The following SLA variants were observed in gnomAD, a reference collection of about 807,000 sequenced individuals.
SLA encodes Src like adaptor, also known as src-like-adapter.
In SLA, 16 loss-of-function variants were observed where a neutral mutation model predicts 30.3. The ratio of observed to expected loss-of-function variants is 0.53; its 90% CI spans 0.36 to 0.80. The LOEUF is 0.80. Ranked by LOEUF, SLA falls within the 30% of genes least tolerant of loss-of-function variation. The pLI is 0.01. For missense variants in SLA, 310 were observed against 345.2 expected (o/e 0.90, Z 0.81); for synonymous variants, 143 against 137.8 (o/e 1.04, Z -0.26).
intron 3 of SLA, chr8:133,058,944 C>A (rs2131314985): frequency 6.3e-6 from 3 of 473,476 alleles, no homozygotes; most frequent in South Asian, 3.0e-5. Context: ...TGGGTCTTGG[C>A]ATGCTGGCTT....
intron 1 of SLA, among the ~76,000 whole-genome samples, chr8:133,094,048 G>A (rs551718169): frequency 6.6e-6 from 1 of 152,170 alleles, no homozygotes; most frequent in South Asian, 2.1e-4. Flanking sequence ...TCTTCAGTGG[G>A]CAGCCAGTGT....
chr8:133,040,157 A>C (rs376807311), intron 7 of SLA, 27 bp from the exon 8 acceptor site: 18 of 1,571,930 alleles, frequency 1.1e-5, no homozygotes, highest in Non-Finnish European at 1.1e-5. Context: ...ACAGCCGGTC[A>C]GGGACCCTGG....
At chr8:133,064,667 C>T (rs536717960) in intron 2 of SLA, among the ~76,000 whole-genome samples, 18 of 152,320 alleles carry the variant, frequency 1.2e-4, no homozygotes, top group South Asian at 4.1e-4. Flanking sequence ...GCGTTGCCGT[C>T]GACAACGTGG....
intron 1 of SLA, among the ~76,000 whole-genome samples, chr8:133,100,277 T>C (rs960212888): frequency 2.6e-5 from 4 of 152,190 alleles, no homozygotes; most frequent in Non-Finnish European, 4.4e-5. Flanking sequence ...ACCACTTGGA[T>C]TCAGAGGGAA....
Position 133,050,891 on chromosome 8 carries a change from A to T in SLA, c.86T>A (p.Val29Glu). ...PEGLDSDFLA[V>E]LSDYPSPDIS... is the part of the protein sequence containing the mutation. ...GTCAGGAGACGGGTAGTCACTTAGC[A>T]CGGCAAGGAAGTCGCTATCCAGTCC... The change falls in exon 4 of 9, where the codon GTG (valine) becomes GAG (glutamate). Residue 29 changes from valine (V) to glutamate (E), a missense_variant. By Grantham distance (121) the Val-to-Glu change is moderately radical. Coordinates refer to ENST00000338087, the MANE Select transcript of SLA (RefSeq NM_001045556.3). The T allele has an allele frequency of 6.2e-7, 1 of 1,613,628 alleles. No homozygotes were observed. The highest frequency in any genetic ancestry group is 8.5e-7 in the Non-Finnish European group (1 of 1,179,550).
intron 2 of SLA, among the ~76,000 whole-genome samples, chr8:133,070,373 A>C (rs910783335): frequency 1.3e-5 from 2 of 152,228 alleles, no homozygotes; most frequent in African/African-American, 4.8e-5. Context: ...AGGCCTCTCT[A>C]TTTGTTTTCA....
At chr8:133,045,828 T>C (rs1211423732) in intron 6 of SLA, among the ~76,000 whole-genome samples, 2 of 151,648 alleles carry the variant, frequency 1.3e-5, no homozygotes, top group Admixed American at 1.3e-4. Flanking sequence ...TCCCGAGTAC[T>C]CTCCAAGATG....
At chr8:133,050,743 A>G in intron 4 of SLA, 73 bp downstream of exon 4, 1 of 1,010,966 alleles carries the variant, frequency 9.9e-7, no homozygotes, top group East Asian at 2.4e-5. Context: ...TCTAGCTAAC[A>G]ATCAAATACT....
intron 1 of SLA, chr8:133,096,301 A>C (rs778391676): frequency 1.9e-6 from 3 of 1,614,010 alleles, no homozygotes; most frequent in Non-Finnish European, 2.5e-6. Context: ...AGAGGTCTTT[A>C]TGGGTAGAGG....
intron 7 of SLA, among the ~76,000 whole-genome samples, chr8:133,041,437 G>A (rs748508159): frequency 3.3e-5 from 5 of 152,252 alleles, no homozygotes; most frequent in Non-Finnish European, 5.9e-5. Flanking sequence ...ACCCACACAG[G>A]TGCCCTTGGA....
intron 6 of SLA, chr8:133,047,607 C>A: frequency 1.8e-6 from 1 of 567,050 alleles, no homozygotes; most frequent in South Asian, 2.0e-5. Context: ...TGATGTTGGC[C>A]AGGCCCGTGG....
intron 2 of SLA, among the ~76,000 whole-genome samples, chr8:133,066,131 G>A (rs2739140): frequency 0.25 from 37,472 of 151,952 alleles, 4,873 homozygotes; most frequent in African/African-American, 0.32. Flanking sequence ...AGACCATCCT[G>A]GCTGACATGG....
In SLA at chr8:133,042,678, C is replaced by CCTTTTTTTTTTTTTTTTTTT. The variant is rs1554706932; in HGVS notation, c.484+2305_484+2306insAAAAAAAAAAAAAAAAAAAG. Among the ~76,000 whole-genome samples, 7 of 56,768 alleles carry CCTTTTTTTTTTTTTTTTTTT rather than the reference C, an allele frequency of 1.2e-4. 2 individuals are homozygous for CCTTTTTTTTTTTTTTTTTTT. The South Asian group carries it at 1.8e-3, about 15-fold the overall frequency. 37.2% of individuals were successfully genotyped at this position (56,768 alleles called of 152,430 possible). A position where few individuals can be genotyped will look rare whatever the true frequency, so the allele number is the denominator to read the frequency against. ...GTGCACAATTCCTCTCATTCTGTGT[C>CCTTTTTTTTTTTTTTTTTTT]TTTTTTTTTTTTTTTTTTTTTTTTT... is the stretch of plus-strand genomic sequence containing the variant. On this transcript the variant is annotated intron_variant, in intron 7 of 8. Coordinates refer to ENST00000338087, the MANE Select transcript of SLA (RefSeq NM_001045556.3).
At chr8:133,049,656 A>C in intron 5 of SLA, 1 of 498,708 alleles carries the variant, frequency 2.0e-6, no homozygotes. Context: ...TGCCAGGAGC[A>C]CCATGTTAGA....
At chr8:133,040,629 A>AAAT (rs1838041898) in intron 7 of SLA, among the ~76,000 whole-genome samples, 1 of 152,158 alleles carries the variant, frequency 6.6e-6, no homozygotes, top group Non-Finnish European at 1.5e-5. Context: ...CAGGTGGACT[A>AAAT]AATAGATCTC....
At position 133,047,702 on chromosome 8, in the gene SLA, G is replaced by A. The variant is rs72729508; in HGVS notation, c.352+128C>T. The A allele has an allele frequency of 7.7e-3, 5,449 of 708,702 alleles. 44 individuals are homozygous for A. The highest frequency in any genetic ancestry group is 0.012 in the Non-Finnish European group (4,451 of 386,578). The allele number at this position is 708,702 out of a possible 1,614,324, so 43.9% of individuals were successfully genotyped here. ...CCCAGCAGCGTGTGGGCTGCAGGGA[G>A]CTTAACTACATTGGATCAATTTGCA... On this transcript the variant is annotated intron_variant, in intron 6 of 8. Transcript: ENST00000338087.
intron 1 of SLA, chr8:133,096,196 T>C (rs755113349): frequency 1.2e-6 from 2 of 1,614,242 alleles, no homozygotes; most frequent in Non-Finnish European, 1.7e-6. Context: ...TATTGTTGCA[T>C]CCAATGCAGC....
At chr8:133,065,485 G>A (rs1446741986) in intron 2 of SLA, among the ~76,000 whole-genome samples, 1 of 152,208 alleles carries the variant, frequency 6.6e-6, no homozygotes, top group African/African-American at 2.4e-5. Flanking sequence ...TATCAGGCCG[G>A]GCGCGGTGGC....
chr8:133,088,538 A>T (rs1343761004), intron 1 of SLA, among the ~76,000 whole-genome samples: 4 of 152,196 alleles, frequency 2.6e-5, no homozygotes. Context: ...TTACACTTAG[A>T]GGGTTGTTTT....
Sources: allele counts gnomAD v4.1 joint callset (sites outside exome capture counted in the v4.1 genomes callset), GRCh38; gene constraint gnomAD v4.1.1; transcripts MANE v1.5; gene names NCBI Gene and HGNC (gene_info 2026-07-23, HGNC 2026-07-21).